The following LAMA1 variants were observed in gnomAD, a reference collection of about 807,000 sequenced individuals.
LAMA1 encodes the protein laminin subunit alpha-1.
LAMA1 carries 219 observed loss-of-function variants against 348.7 expected under a neutral mutation model. The observed-to-expected ratio is 0.63, with a 90% CI of 0.56 to 0.70. The LOEUF (loss-of-function observed/expected upper bound fraction) is 0.70, where lower values mean the gene tolerates loss of function less well. LAMA1 is among the 30% of genes least tolerant of loss of function. The probability of loss-of-function intolerance (pLI) is 0.00; values close to 1 mark genes in which losing one functional copy is unlikely to be tolerated. For missense variants in LAMA1, 3,744 were observed against 3,888.0 expected (o/e 0.96, Z 0.99); for synonymous variants, 1,487 against 1,491.0 (o/e 1.00, Z 0.06).
chr18:7,071,292 T>G (rs1428266233), intron 3 of LAMA1, among the ~76,000 whole-genome samples: 1 of 152,208 alleles, frequency 6.6e-6, no homozygotes, highest in African/African-American at 2.4e-5. Context: ...AGGCGATCAC[T>G]CGCATTCCAG....
intron 24 of LAMA1, 109 bp downstream of exon 24, chr18:7,011,886 T>C (rs1010092144): frequency 4.5e-6 from 6 of 1,338,804 alleles, no homozygotes; most frequent in Non-Finnish European, 6.1e-6. Context: ...GAATTTTGGA[T>C]GCCATAAGAG....
intron 44 of LAMA1, among the ~76,000 whole-genome samples, chr18:6,977,415 C>A (rs1359306534): frequency 5.9e-5 from 9 of 152,208 alleles, no homozygotes; most frequent in Non-Finnish European, 1.3e-4. Flanking sequence ...GTAGATTTGA[C>A]ATGTTCCGCA....
chr18:7,032,055 G>A lies in LAMA1; in HGVS notation c.2274+11C>T, dbSNP rs898570101. ...GAGGAGAGGGCACCTGAACTACAGT[G>A]AGAGACTCACAATGCAAACGCCGTG... On this transcript the variant is annotated intron_variant, in intron 16 of 62. Transcript: ENST00000389658. 2 of 1,610,040 alleles carry A rather than the reference G, an allele frequency of 1.2e-6. No individual in the cohort carries two copies. Among genetic ancestry groups the A allele is most frequent in the Non-Finnish European group, 8.5e-7 (1 of 1,176,422 alleles).
chr18:7,071,215 G>A (rs2058144603), intron 3 of LAMA1, among the ~76,000 whole-genome samples: 1 of 152,216 alleles, frequency 6.6e-6, no homozygotes, highest in South Asian at 2.1e-4. Context: ...TTGAGCACCT[G>A]CAGCCGTAGA....
chr18:6,959,427 T>G lies in LAMA1; in HGVS notation c.7692A>C (p.Thr2564=). 1.2e-6 allele frequency: 2 copies of G among 1,614,204 alleles called. No homozygotes were observed. The highest frequency in any genetic ancestry group is 1.7e-6 in the Non-Finnish European group (2 of 1,180,028). The change falls in exon 54 of 63, where the codon ACA becomes ACC. Residue 2564 remains threonine, a synonymous_variant. Transcript: ENST00000389658. ...IEVHVNPGDG[T]GLRKALLHAP... is the part of the protein sequence containing the mutation. ...CGTGCAGGAGAGCTTTTCTCAGGCC[T>G]GTCCCATCCCCAGGATTGACATGTA...
intron 1 of LAMA1, among the ~76,000 whole-genome samples, chr18:7,116,826 C>CTG (rs35431745): frequency 1.4e-4 from 21 of 148,714 alleles, no homozygotes; most frequent in African/African-American, 5.5e-4. Context: ...TTCTCTCTCT[C>CTG]TTTCTTTCTT....
At position 7,080,348 on chromosome 18, in the gene LAMA1, T is replaced by C. The variant is rs1463965160; in HGVS notation, c.171A>G (p.Pro57=). 6.2e-7 allele frequency: 1 copy of C among 1,614,154 alleles called. No individual in the cohort carries two copies. The highest frequency in any genetic ancestry group is 1.3e-5 in the African/African-American group (1 of 74,952). ...ACTGTGGGTTTCGGACGGGCCGACC[T>C]GGCACATGCTCCACAAGTTTGCAGA... ...EMFCKLVEHV[P]GRPVRNPQCR... Residue 57 remains proline (P), a synonymous_variant, in exon 2 of 63, where the codon CCA becomes CCG. Coordinates refer to ENST00000389658, the MANE Select transcript of LAMA1 (RefSeq NM_005559.4).
intron 1 of LAMA1, among the ~76,000 whole-genome samples, chr18:7,083,766 G>A (rs2058203008): frequency 6.6e-6 from 1 of 152,004 alleles, no homozygotes; most frequent in Non-Finnish European, 1.5e-5. Context: ...GTTCCAAGAT[G>A]AAAGAAGATG....
At chr18:7,006,899 T>G (rs2057834569) in intron 29 of LAMA1, among the ~76,000 whole-genome samples, 1 of 152,158 alleles carries the variant, frequency 6.6e-6, no homozygotes. Flanking sequence ...CGACTATAAT[T>G]CCCAAATTGA....
In LAMA1 at chr18:7,100,058, C is replaced by CAAAAAA. The variant is rs3038921; in HGVS notation, c.61+17596_61+17601dup. Among the ~76,000 whole-genome samples the CAAAAAA allele has an allele frequency of 8.8e-3, 700 of 79,508 alleles. 45 individuals carry two copies. The highest frequency in any genetic ancestry group is 0.015 in the South Asian group (30 of 1,970). The allele number at this position is 79,508 out of a possible 152,430, so 52.2% of individuals were successfully genotyped here. On this transcript the variant is annotated intron_variant, in intron 1 of 62. Coordinates refer to ENST00000389658, the MANE Select transcript of LAMA1 (RefSeq NM_005559.4). ...TGGGCAACAGAGCCAGACTTTGTCT[C>CAAAAAA]AAAAAAAAAAAAAAAAAAAAAAAAG...
Position 6,947,168 on chromosome 18 carries a change from C to G in LAMA1, c.8839G>C (p.Gly2947Arg), listed in dbSNP as rs140080119. ...CATGGAGAGGAAGCACCCACCTTGC[C>G]GTCCACAAGCTCTAGTCCAATGGCA... is the stretch of plus-strand genomic sequence containing the variant. ...VDAIGLELVD[G>R]KVLFHVNNGA... is the part of the protein sequence containing the mutation. Residue 2947 changes from glycine to arginine, a missense_variant, in exon 61 of 63, where the codon GGC becomes CGC. By Grantham distance (125) the Gly-to-Arg change is moderately radical (BLOSUM62 -2). Coordinates refer to ENST00000389658, the MANE Select transcript of LAMA1 (RefSeq NM_005559.4). The G allele has an allele frequency of 3.7e-6, 6 of 1,614,048 alleles. No individual in the cohort carries two copies. In the African/African-American group the frequency reaches 6.7e-5, roughly 18 times the overall value.
chr18:7,006,932 G>T (rs1412487480), intron 29 of LAMA1, among the ~76,000 whole-genome samples: 1 of 152,150 alleles, frequency 6.6e-6, no homozygotes, highest in Non-Finnish European at 1.5e-5. Context: ...AATTCATCAA[G>T]AAAGGAAAAT....
chr18:7,011,216 G>T lies in LAMA1; in HGVS notation c.3687+84C>A, dbSNP rs2057858147. ...TAATAACTACTTCTTTAAATGACAG[G>T]CCGGCCCAGACTATGGTGATTTTAA... On this transcript the variant is annotated intron_variant, in intron 25 of 62. Coordinates refer to ENST00000389658, the MANE Select transcript of LAMA1 (RefSeq NM_005559.4). The T allele has an allele frequency of 4.8e-6, 7 of 1,451,608 alleles. No homozygotes were observed. In the South Asian group the frequency reaches 8.6e-5, roughly 18 times the overall value. The allele number at this position is 1,451,608 out of a possible 1,614,324, so 89.9% of individuals were successfully genotyped here.
intron 15 of LAMA1, among the ~76,000 whole-genome samples, chr18:7,032,777 G>A (rs1042638405): frequency 1.3e-5 from 2 of 152,154 alleles, no homozygotes; most frequent in African/African-American, 4.8e-5. Flanking sequence ...TCAGAATATT[G>A]TCCGGTGCTC....
At chr18:6,947,518 G>A (rs760217183) in intron 60 of LAMA1, among the ~76,000 whole-genome samples, 2 of 152,170 alleles carry the variant, frequency 1.3e-5, no homozygotes, top group Non-Finnish European at 2.9e-5. Context: ...CCAGGTCAGA[G>A]CAGAGCCAGG....
intron 8 of LAMA1, chr18:7,042,478 T>C (rs1417983931): frequency 2.0e-6 from 1 of 492,768 alleles, no homozygotes; most frequent in Non-Finnish European, 3.7e-6. Context: ...GTGTCATCTT[T>C]TTCTATTATC....
intron 3 of LAMA1, among the ~76,000 whole-genome samples, chr18:7,074,184 A>AC (rs1256358626): frequency 1.3e-5 from 2 of 152,010 alleles, no homozygotes; most frequent in African/African-American, 2.4e-5. Flanking sequence ...ATTTCCACCC[A>AC]CAGTGCACAG....
At chr18:6,948,744 T>G (rs531880333) in intron 59 of LAMA1, among the ~76,000 whole-genome samples, 188 bp from the exon 60 acceptor site, 1 of 152,358 alleles carries the variant, frequency 6.6e-6, no homozygotes, top group Admixed American at 6.5e-5. Context: ...TTGAGTATCT[T>G]TGCTAATAAT....
rs766860255 is a variant in LAMA1, at chr18:6,993,691, T to A, written c.4958A>T (p.Glu1653Val). The A allele has an allele frequency of 1.2e-6, 2 of 1,614,132 alleles. No individual in the cohort carries two copies. Among genetic ancestry groups the A allele is most frequent in the Admixed American group, 3.3e-5 (2 of 60,026 alleles). ...VNRATERIFK[E>V]SQDLAIAIER... is the part of the protein sequence containing the mutation. Reference sequence around the variant, plus strand: ...AATGGCTATGGCCAGGTCTTGACTCTCCTTGAAGATTCTCTCAGTTGCCCT... The same window carrying A: ...AATGGCTATGGCCAGGTCTTGACTCACCTTGAAGATTCTCTCAGTTGCCCT... The change falls in exon 35 of 63, where the codon GAG (glutamate) becomes GTG (valine). Residue 1653 changes from glutamate (E) to valine (V), a missense_variant. Physicochemically the swap from Glu to Val is moderately radical, Grantham distance 121 (BLOSUM62 -2). Transcript: ENST00000389658.
Sources: gnomAD v4.1 joint callset for allele counts (sites outside exome capture counted in the v4.1 genomes callset) on GRCh38, gnomAD v4.1.1 for gene constraint, MANE v1.5 for transcripts, NCBI Gene and HGNC (gene_info 2026-07-23, HGNC 2026-07-21) for gene names.